NPAS3: variants seen among roughly 807,000 people sequenced by gnomAD.
The protein encoded by NPAS3 is neuronal PAS domain protein 3, also known as neuronal PAS domain-containing protein 3.
In NPAS3, 14 loss-of-function variants were observed where a neutral mutation model predicts 73.1. That is an observed-to-expected ratio of 0.19 (90% CI 0.13 to 0.30). The LOEUF is 0.30. Ranked by LOEUF, NPAS3 falls within the 10% of genes least tolerant of loss-of-function variation. The pLI, the probability that NPAS3 is intolerant of heterozygous loss-of-function variation, is 1.00. For synonymous variants in NPAS3, 620 were observed against 541.5 expected, an observed-to-expected ratio of 1.14 and a Z score of -2.01; for missense variants, 1,096 against 1,250.0, an observed-to-expected ratio of 0.88 and a Z score of 1.86.
intron 5 of NPAS3, among the ~76,000 whole-genome samples, chr14:33,594,558 G>A (rs1399608310): frequency 2.6e-5 from 4 of 152,048 alleles, no homozygotes; most frequent in Admixed American, 2.0e-4. Context: ...ACTTAGTCTC[G>A]CTGCCTGTTT....
chr14:33,275,885 G>A (rs559588342), intron 3 of NPAS3, among the ~76,000 whole-genome samples: 1 of 152,270 alleles, frequency 6.6e-6, no homozygotes, highest in Non-Finnish European at 1.5e-5. Flanking sequence ...CTATATGTGA[G>A]TCCTTAGATA....
At chr14:33,249,229 T>G (rs1168496925) in intron 3 of NPAS3, among the ~76,000 whole-genome samples, 1 of 152,180 alleles carries the variant, frequency 6.6e-6, no homozygotes, top group Non-Finnish European at 1.5e-5. Context: ...TCTTACTTTT[T>G]GCCTTTTTTC....
At chr14:33,482,580 C>T (rs1032435110) in intron 4 of NPAS3, among the ~76,000 whole-genome samples, 6 of 152,054 alleles carry the variant, frequency 3.9e-5, no homozygotes, top group African/African-American at 1.2e-4. Flanking sequence ...CTCTAAAACC[C>T]GAATTTTCAG....
In NPAS3 at chr14:33,563,537, C is replaced by CACACACACACAG; in HGVS notation, c.558+3328_558+3329insCACACACACAGA. On this transcript the variant is annotated intron_variant, in intron 5 of 11. Transcript: ENST00000356141. ...ATACATACACACACACACACACACA[C>CACACACACACAG]AGAGAGAGAGAGAGAGAGAGAGAGA... Among the ~76,000 whole-genome samples, 12 of 119,696 alleles carry CACACACACACAG rather than the reference C, an allele frequency of 1.0e-4. No homozygotes were observed. In the East Asian group the frequency reaches 1.1e-3, roughly 11 times the overall value. 78.5% of individuals were successfully genotyped at this position (119,696 alleles called of 152,430 possible). A position where few individuals can be genotyped will look rare whatever the true frequency, so the allele number is the denominator to read the frequency against.
At chr14:33,465,574 T>C (rs1267135710) in intron 4 of NPAS3, among the ~76,000 whole-genome samples, 1 of 152,172 alleles carries the variant, frequency 6.6e-6, no homozygotes, top group African/African-American at 2.4e-5. Flanking sequence ...CACGTAAAAA[T>C]CTATTTTTAT....
At chr14:33,090,009 G>A (rs2042170381) in intron 2 of NPAS3, among the ~76,000 whole-genome samples, 1 of 152,096 alleles carries the variant, frequency 6.6e-6, no homozygotes, top group African/African-American at 2.4e-5. Flanking sequence ...CACTAAACAT[G>A]GAAAGGAACA....
At chr14:33,564,945 C>T (rs1389609296) in intron 5 of NPAS3, among the ~76,000 whole-genome samples, 1 of 152,182 alleles carries the variant, frequency 6.6e-6, no homozygotes, top group Non-Finnish European at 1.5e-5. Flanking sequence ...TCACCCCCCA[C>T]TGCCTCCAGT....
intron 5 of NPAS3, among the ~76,000 whole-genome samples, chr14:33,640,445 G>A (rs933737893): frequency 1.3e-5 from 2 of 152,048 alleles, no homozygotes; most frequent in African/African-American, 4.8e-5. Flanking sequence ...TATGGCTATA[G>A]TTTGAAGAGT....
chr14:33,314,937 A>C (rs975832477), intron 3 of NPAS3, among the ~76,000 whole-genome samples: 1 of 152,142 alleles, frequency 6.6e-6, no homozygotes, highest in Admixed American at 6.6e-5. Context: ...ACCAAAGTCC[A>C]TGCTTTCATG....
chr14:33,788,355 G>A (rs2063243536), intron 9 of NPAS3, among the ~76,000 whole-genome samples: 1 of 152,172 alleles, frequency 6.6e-6, no homozygotes, highest in African/African-American at 2.4e-5. Context: ...TCTTTGTTCG[G>A]CTGTGTGAAT....
intron 2 of NPAS3, among the ~76,000 whole-genome samples, chr14:33,136,466 G>T (rs2043843637): frequency 6.6e-6 from 1 of 152,316 alleles, no homozygotes; most frequent in African/African-American, 2.4e-5. Context: ...GCTATGAGCA[G>T]TTCTATATAG....
intron 4 of NPAS3, among the ~76,000 whole-genome samples, chr14:33,545,091 C>A (rs1278303691): frequency 6.6e-6 from 1 of 151,654 alleles, no homozygotes; most frequent in Non-Finnish European, 1.5e-5. Flanking sequence ...TAAACAAAGT[C>A]TTTCTCTCCC....
intron 4 of NPAS3, among the ~76,000 whole-genome samples, chr14:33,422,874 A>G (rs2048412021): frequency 6.6e-6 from 1 of 152,028 alleles, no homozygotes; most frequent in Non-Finnish European, 1.5e-5. Context: ...ATGGAGAGAA[A>G]TGGAATAGTG....
At chr14:33,201,723 T>G (rs186861677) in intron 2 of NPAS3, among the ~76,000 whole-genome samples, 1 of 152,248 alleles carries the variant, frequency 6.6e-6, no homozygotes, top group East Asian at 1.9e-4. Context: ...ATTCAGTGGA[T>G]TATAGGTTCT....
At chr14:33,515,200 A>G (rs1211312383) in intron 4 of NPAS3, among the ~76,000 whole-genome samples, 1 of 152,112 alleles carries the variant, frequency 6.6e-6, no homozygotes, top group African/African-American at 2.4e-5. Context: ...CCCCTAGGTT[A>G]TATTCAGGGA....
At chr14:33,195,332 G>A (rs112588434) in intron 2 of NPAS3, among the ~76,000 whole-genome samples, 1,670 of 151,780 alleles carry the variant, frequency 0.011, 21 homozygotes, top group African/African-American at 0.034. Context: ...GTGCCGTGGC[G>A]CAGTCTTGTC....
intron 4 of NPAS3, among the ~76,000 whole-genome samples, chr14:33,441,801 G>A (rs564127688): frequency 5.8e-4 from 88 of 152,282 alleles, no homozygotes; most frequent in African/African-American, 1.4e-3. Context: ...GCAAAGGCAC[G>A]TCTTACATGG....
At chr14:33,215,137 G>A in intron 2 of NPAS3, 45 bp from the exon 3 acceptor site, 2 of 1,586,640 alleles carry the variant, frequency 1.3e-6, no homozygotes, top group Non-Finnish European at 1.7e-6. Flanking sequence ...AATGATGACA[G>A]AGTCACATAT....
chr14:33,309,926 C>A (rs535244244), intron 3 of NPAS3, among the ~76,000 whole-genome samples: 7 of 152,216 alleles, frequency 4.6e-5, no homozygotes, highest in Non-Finnish European at 8.8e-5. Context: ...GAGGGTCCCT[C>A]TAGCACCCAT....
Sources: gnomAD v4.1 joint callset for allele counts (sites outside exome capture counted in the v4.1 genomes callset) on GRCh38, gnomAD v4.1.1 for gene constraint, MANE v1.5 for transcripts, NCBI Gene and HGNC (gene_info 2026-07-23, HGNC 2026-07-21) for gene names.